AUTS2: variants seen among roughly 807,000 people sequenced by gnomAD.
AUTS2 encodes the protein autism susceptibility gene 2 protein.
A neutral mutation model predicts 112.4 loss-of-function variants in AUTS2; 17 were observed. The observed-to-expected ratio is 0.15, with a 90% CI of 0.10 to 0.23. The LOEUF is 0.23. Among genes scored for constraint, AUTS2 ranks in the 10% least tolerant of loss-of-function variants. The pLI is 1.00. For missense variants in AUTS2, 1,510 were observed against 1,701.6 expected (o/e 0.89, Z 1.98); for synonymous variants, 751 against 702.7 (o/e 1.07, Z -1.09).
intron 1 of AUTS2, among the ~76,000 whole-genome samples, chr7:69,774,862 G>T (rs750342881): frequency 1.3e-5 from 2 of 152,060 alleles, no homozygotes; most frequent in South Asian, 2.1e-4. Flanking sequence ...AATGCCCCAG[G>T]TGGTTCTTGG....
At chr7:70,609,411 C>T (rs38298) in intron 5 of AUTS2, among the ~76,000 whole-genome samples, 64,641 of 104,026 alleles carry the variant, frequency 0.62, 17,804 homozygotes, top group Non-Finnish European at 0.64. Flanking sequence ...TTTTTTTTTT[C>T]CGAGACAGAG....
At chr7:70,787,556 C>T (rs536353946) in intron 18 of AUTS2, 125 bp downstream of exon 18, 8 of 666,316 alleles carry the variant, frequency 1.2e-5, no homozygotes, top group South Asian at 1.9e-5. Flanking sequence ...AGCCTCAGCT[C>T]CTCCCCACAG....
intron 5 of AUTS2, among the ~76,000 whole-genome samples, chr7:70,595,819 A>G (rs1410160630): frequency 1.3e-5 from 2 of 152,088 alleles, no homozygotes; most frequent in African/African-American, 2.4e-5. Flanking sequence ...AAACCACCCA[A>G]TCTGGAGAGG....
intron 5 of AUTS2, among the ~76,000 whole-genome samples, chr7:70,569,766 G>A (rs1401219468): frequency 1.3e-5 from 2 of 151,352 alleles, no homozygotes; most frequent in African/African-American, 4.9e-5. Context: ...TGGCCGATTA[G>A]TTGGCAAGAG....
intron 4 of AUTS2, among the ~76,000 whole-genome samples, chr7:70,170,359 C>G (rs1166544921): frequency 6.6e-6 from 1 of 151,908 alleles, no homozygotes; most frequent in Non-Finnish European, 1.5e-5. Context: ...ACCGTGTTGT[C>G]AAGGCTGGTC....
intron 4 of AUTS2, among the ~76,000 whole-genome samples, chr7:70,195,265 T>G (rs1810112926): frequency 6.6e-6 from 1 of 152,180 alleles, no homozygotes; most frequent in South Asian, 2.1e-4. Context: ...GGTAAAGTTG[T>G]GCCTTTGATA....
intron 5 of AUTS2, among the ~76,000 whole-genome samples, chr7:70,610,423 CTTTTTTTTTTTTT>C (rs3054735): frequency 2.6e-5 from 2 of 77,442 alleles, no homozygotes; most frequent in South Asian, 4.5e-4. Context: ...TAGCGCTCAT[CTTTTTTTTTTTTT>C]TTTTTTTTTT....
intron 5 of AUTS2, among the ~76,000 whole-genome samples, chr7:70,663,782 T>C (rs1420817190): frequency 1.3e-5 from 2 of 152,134 alleles, no homozygotes; most frequent in South Asian, 2.1e-4. Flanking sequence ...GAAATGCGTA[T>C]ACTGTAGAAG....
intron 4 of AUTS2, among the ~76,000 whole-genome samples, chr7:70,337,802 G>A (rs1791064256): frequency 6.6e-6 from 1 of 152,202 alleles, no homozygotes; most frequent in South Asian, 2.1e-4. Context: ...GACACCAGCA[G>A]ATCTGTTGTC....
chr7:69,912,446 G>A (rs548561540), intron 2 of AUTS2, among the ~76,000 whole-genome samples: 9 of 152,302 alleles, frequency 5.9e-5, no homozygotes, highest in African/African-American at 2.2e-4. Context: ...ATACAGCCCC[G>A]GCTGCAGCCA....
chr7:70,762,441 T>C (rs1789625672), intron 6 of AUTS2, among the ~76,000 whole-genome samples: 1 of 152,058 alleles, frequency 6.6e-6, no homozygotes, highest in African/African-American at 2.4e-5. Context: ...TGGCTAATTT[T>C]TTTTTTTGTA....
intron 2 of AUTS2, among the ~76,000 whole-genome samples, chr7:70,026,391 G>A (rs1380195145): frequency 6.6e-6 from 1 of 152,210 alleles, no homozygotes; most frequent in Admixed American, 6.5e-5. Context: ...CAGGCTGTGA[G>A]TTCCCTCTCT....
chr7:70,562,389 A>G (rs1329462007), intron 5 of AUTS2, among the ~76,000 whole-genome samples: 2 of 152,212 alleles, frequency 1.3e-5, no homozygotes, highest in Non-Finnish European at 2.9e-5. Context: ...TCGACAACTA[A>G]CAATGTCTGC....
chr7:69,721,656 A>T (rs1348642537), intron 1 of AUTS2, among the ~76,000 whole-genome samples: 2 of 152,226 alleles, frequency 1.3e-5, no homozygotes, highest in African/African-American at 4.8e-5. Context: ...TTACATAGTT[A>T]TAGTAAGTAT....
At chr7:69,917,220 G>C (rs1489422584) in intron 2 of AUTS2, among the ~76,000 whole-genome samples, 1 of 151,610 alleles carries the variant, frequency 6.6e-6, no homozygotes. Flanking sequence ...TAGAGATGGA[G>C]GACTCACTGT....
At chr7:70,478,279 T>TA (rs1442045571) in intron 5 of AUTS2, among the ~76,000 whole-genome samples, 1 of 152,094 alleles carries the variant, frequency 6.6e-6, no homozygotes, top group East Asian at 1.9e-4. Context: ...CACCCAGAAA[T>TA]ACCCACTGCT....
intron 4 of AUTS2, among the ~76,000 whole-genome samples, chr7:70,433,975 G>A (rs1013772204): frequency 2.0e-5 from 3 of 152,166 alleles, no homozygotes; most frequent in Non-Finnish European, 2.9e-5. Context: ...CCCTGAGATG[G>A]GTTCAGTGGT....
At chr7:70,130,266 C>T (rs1410796407) in intron 3 of AUTS2, among the ~76,000 whole-genome samples, 30 of 152,194 alleles carry the variant, frequency 2.0e-4, no homozygotes, top group Admixed American at 2.0e-3. Flanking sequence ...GGAGCTGTAA[C>T]AGTAGCCATG....
At chr7:70,778,602 C>G (rs913346381) in intron 14 of AUTS2, among the ~76,000 whole-genome samples, 1 of 151,598 alleles carries the variant, frequency 6.6e-6, no homozygotes, top group South Asian at 2.1e-4. Context: ...AAATAAAAAC[C>G]CGGTTAAAAG....
Sources: allele counts gnomAD v4.1 joint callset (sites outside exome capture counted in the v4.1 genomes callset), GRCh38; gene constraint gnomAD v4.1.1; transcripts MANE v1.5; gene names NCBI Gene and HGNC (gene_info 2026-07-23, HGNC 2026-07-21).